The following PCDHA1 variants were observed in gnomAD, a reference collection of about 807,000 sequenced individuals.
The protein encoded by PCDHA1 is protocadherin alpha 1, also known as protocadherin alpha-1.
A neutral mutation model predicts 61.3 loss-of-function variants in PCDHA1; 42 were observed. That is an observed-to-expected ratio of 0.69 (90% CI 0.54 to 0.89). The LOEUF is 0.89. Ranked by LOEUF, PCDHA1 falls within the 40% of genes least tolerant of loss-of-function variation. PCDHA1 has a pLI of 0.00. For missense variants in PCDHA1, 1,256 were observed against 1,235.3 expected (o/e 1.02, Z -0.25); for synonymous variants, 610 against 553.8 (o/e 1.10, Z -1.43).
At position 140,862,652 on chromosome 5, in the gene PCDHA1, G is replaced by A. The variant is rs904797822; in HGVS notation, c.2394+73968G>A. ...TGCCACGACTTCACAGTGTCCGCGC[G>A]GGACCGGGACGCGCAGGAGAACGTG... is the stretch of plus-strand genomic sequence containing the variant. On this transcript the variant is annotated intron_variant, in intron 1 of 3. Coordinates refer to ENST00000504120, the MANE Select transcript of PCDHA1 (RefSeq NM_018900.4). The A allele has an allele frequency of 1.4e-4, 76 of 544,114 alleles. 1 individual carries two copies. The highest frequency in any genetic ancestry group is 3.8e-5 in the African/African-American group (2 of 52,208). 33.7% of individuals were successfully genotyped at this position (544,114 alleles called of 1,614,324 possible). A position where few individuals can be genotyped will look rare whatever the true frequency, so the allele number is the denominator to read the frequency against.
intron 1 of PCDHA1, among the ~76,000 whole-genome samples, chr5:140,840,723 G>A (rs2150309194): frequency 6.6e-6 from 1 of 152,104 alleles, no homozygotes; most frequent in East Asian, 1.9e-4. Flanking sequence ...ATTGAATAAA[G>A]AAAAGCAAAA....
At chr5:140,824,894 T>C (rs1768384887) in intron 1 of PCDHA1, 1 of 152,172 alleles carries the variant, frequency 6.6e-6, no homozygotes, top group Non-Finnish European at 1.5e-5. Context: ...ATTTCAACTT[T>C]GCCTAAGCAG....
chr5:140,883,403 T>C (rs1009539034), intron 1 of PCDHA1: 1 of 1,614,168 alleles, frequency 6.2e-7, no homozygotes, highest in Non-Finnish European at 8.5e-7. Context: ...CGATCGTGAC[T>C]CTGGCTCAAA....
chr5:140,844,051 CAA>C (rs1431845216), intron 1 of PCDHA1, among the ~76,000 whole-genome samples: 4 of 149,544 alleles, frequency 2.7e-5, no homozygotes, highest in African/African-American at 9.8e-5. Flanking sequence ...AGTATTCCCC[CAA>C]AGCGTTTATT....
chr5:140,852,117 T>C, intron 1 of PCDHA1: 1 of 906,144 alleles, frequency 1.1e-6, no homozygotes, highest in Non-Finnish European at 1.3e-6. Context: ...AGGTATGACC[T>C]AATTAAAAAC....
chr5:140,789,892 C>G (rs1390478275), intron 1 of PCDHA1, among the ~76,000 whole-genome samples: 1 of 152,120 alleles, frequency 6.6e-6, no homozygotes, highest in African/African-American at 2.4e-5. Flanking sequence ...CAGTTCTTTA[C>G]CTTTCCTAAA....
chr5:140,906,252 C>T (rs1376694912), intron 1 of PCDHA1, among the ~76,000 whole-genome samples: 1 of 152,180 alleles, frequency 6.6e-6, no homozygotes, highest in Admixed American at 6.5e-5. Flanking sequence ...AACCCATACA[C>T]ACCTCCTGAA....
intron 1 of PCDHA1, among the ~76,000 whole-genome samples, chr5:140,952,641 G>T (rs1033672347): frequency 1.3e-5 from 2 of 152,102 alleles, no homozygotes; most frequent in Non-Finnish European, 2.9e-5. Flanking sequence ...TCCAACCTGT[G>T]CCTGGTTACC....
At chr5:140,935,253 A>G (rs1469038997) in intron 1 of PCDHA1, among the ~76,000 whole-genome samples, 1 of 152,226 alleles carries the variant, frequency 6.6e-6, no homozygotes, top group Non-Finnish European at 1.5e-5. Flanking sequence ...GATAAAATAC[A>G]TCACATGTTT....
intron 1 of PCDHA1, chr5:140,807,109 C>A: frequency 1.3e-6 from 2 of 1,483,570 alleles, no homozygotes; most frequent in African/African-American, 1.4e-5. Flanking sequence ...GATGCAGCTG[C>A]ACTTGACTGA....
intron 1 of PCDHA1, among the ~76,000 whole-genome samples, chr5:140,819,976 T>G (rs1554127771): frequency 6.6e-6 from 1 of 152,034 alleles, no homozygotes; most frequent in Non-Finnish European, 1.5e-5. Flanking sequence ...AAAGGTTATC[T>G]TTGTGTATTT....
At chr5:140,806,972 T>C in intron 1 of PCDHA1, 1 of 617,842 alleles carries the variant, frequency 1.6e-6, no homozygotes, top group Non-Finnish European at 2.8e-6. Context: ...AATTGCTACT[T>C]ACGGTTTGGA....
At chr5:140,928,397 C>T in intron 1 of PCDHA1, 1 of 1,614,082 alleles carries the variant, frequency 6.2e-7, no homozygotes, top group East Asian at 2.2e-5. Context: ...GCAGTGGAAT[C>T]ATCCAGTGGG....
At chr5:140,971,527 A>G (rs116818549) in intron 1 of PCDHA1, among the ~76,000 whole-genome samples, 2,035 of 152,284 alleles carry the variant, frequency 0.013, 20 homozygotes, top group Middle Eastern at 0.054. Context: ...CAGTTCTGAA[A>G]GTCATCATTG....
chr5:140,969,826 A>G (rs782339572), intron 1 of PCDHA1, among the ~76,000 whole-genome samples: 24 of 152,344 alleles, frequency 1.6e-4, no homozygotes, highest in Middle Eastern at 3.4e-3. Flanking sequence ...TGGACTGTCT[A>G]CAGTGGAAAT....
At chr5:140,840,103 A>T (rs1298281251) in intron 1 of PCDHA1, among the ~76,000 whole-genome samples, 2 of 152,168 alleles carry the variant, frequency 1.3e-5, no homozygotes, top group East Asian at 1.9e-4. Flanking sequence ...ATTTTAGTGA[A>T]ATCGAGTGAA....
At chr5:140,808,665 C>T (rs1554124681) in intron 1 of PCDHA1, 12 of 1,613,018 alleles carry the variant, frequency 7.4e-6, no homozygotes, top group South Asian at 1.1e-5. Flanking sequence ...GTGTCCTACT[C>T]GCTGGTAGAG....
At chr5:141,005,572 C>G (rs548748234) in intron 3 of PCDHA1, among the ~76,000 whole-genome samples, 59 of 150,976 alleles carry the variant, frequency 3.9e-4, no homozygotes, top group Non-Finnish European at 7.7e-4. Context: ...CATGGTGGCG[C>G]GTGCCTGTAG....
Position 140,797,455 on chromosome 5 carries a change from A to T in PCDHA1, c.2394+8771A>T, listed in dbSNP as rs1581626654. 1.0e-5 allele frequency: 13 copies of T among 1,306,198 alleles called. No individual in the cohort carries two copies. In the East Asian group the frequency reaches 3.1e-4, roughly 31 times the overall value. The allele number at this position is 1,306,198 out of a possible 1,614,324, so 80.9% of individuals were successfully genotyped here. ...AGATTCATAGTTCTTCATTTATTTT[A>T]TATCATCCTACCGTGCGATTTTGAA... On this transcript the variant is annotated intron_variant, in intron 1 of 3. Transcript: ENST00000504120.
Sources: allele counts gnomAD v4.1 joint callset (sites outside exome capture counted in the v4.1 genomes callset), GRCh38; gene constraint gnomAD v4.1.1; transcripts MANE v1.5; gene names NCBI Gene and HGNC (gene_info 2026-07-23, HGNC 2026-07-21).